LAMP1: variants seen among roughly 807,000 people sequenced by gnomAD.
LAMP1 encodes the protein lysosome associated membrane protein 1.
Under a neutral mutation model 37.5 loss-of-function variants are expected in LAMP1, and 7 were observed. That is an observed-to-expected ratio of 0.19 (90% confidence interval 0.11 to 0.35). The LOEUF (loss-of-function observed/expected upper bound fraction) is 0.35. Ranked by LOEUF, LAMP1 falls within the 10% of genes least tolerant of loss-of-function variation. The pLI is 1.00. For synonymous variants in LAMP1, 236 were observed against 229.1 expected (o/e 1.03, Z -0.27); for missense variants, 537 against 552.8 (o/e 0.97, Z 0.29).
intron 4 of LAMP1, among the ~76,000 whole-genome samples, chr13:113,314,799 A>G (rs1316766854): frequency 3.6e-4 from 18 of 49,934 alleles, no homozygotes; most frequent in African/African-American, 7.0e-4. Flanking sequence ...GTGGCCTCCT[A>G]GAGGGAGTCA....
chr13:113,319,910 C>T (rs778228802), intron 5 of LAMP1, among the ~76,000 whole-genome samples: 1 of 152,244 alleles, frequency 6.6e-6, no homozygotes, highest in Non-Finnish European at 1.5e-5. Context: ...GCAGTGTGGC[C>T]CACAGAGCCT....
intron 4 of LAMP1, among the ~76,000 whole-genome samples, chr13:113,316,295 T>C (rs1330333096): frequency 6.6e-6 from 1 of 152,136 alleles, no homozygotes; most frequent in Non-Finnish European, 1.5e-5. Context: ...GAGTGGGGTG[T>C]CTTCGTCTTT....
rs2042692842 is a variant in LAMP1 at position 113,320,577 on chromosome 13, C to T, written c.876+107C>T. ...GGCAGCGTTAGGAAGGAGGCGGCCT[C>T]ACTTTTTTCTGCCTTCCCTTTATCC... is the stretch of plus-strand genomic sequence containing the variant. On this transcript the variant is annotated intron_variant, in intron 6 of 8. Transcript: ENST00000332556. This position sits in a 1 kb window ranked among gnomAD's most constrained non-coding sequence, Gnocchi z 4.4. The T allele has an allele frequency of 8.1e-6, 10 of 1,241,962 alleles. No individual in the cohort carries two copies. Among genetic ancestry groups the T allele is most frequent in the Non-Finnish European group, 1.1e-5 (10 of 903,864 alleles). 76.9% of individuals were successfully genotyped at this position (1,241,962 alleles called of 1,614,324 possible).
At position 113,322,586 on chromosome 13, in the gene LAMP1, C is replaced by T. The variant is rs568279121; in HGVS notation, c.*165C>T. On this transcript the variant is annotated 3_prime_UTR_variant, in exon 9 of 9. Transcript: ENST00000332556. Reference sequence around the variant, plus strand: ...TTACTATGCACAACAGAGTAACTATCGAAATGACGGTGTTAATTTTGCTAA... The same window carrying T: ...TTACTATGCACAACAGAGTAACTATTGAAATGACGGTGTTAATTTTGCTAA... The T allele has an allele frequency of 1.2e-4, 63 of 541,096 alleles. No homozygotes were observed. The highest frequency in any genetic ancestry group is 2.1e-4 in the African/African-American group (11 of 51,204). The allele number at this position is 541,096 out of a possible 1,614,324, so 33.5% of individuals were successfully genotyped here. A position where few individuals can be genotyped will look rare whatever the true frequency, so the allele number is the denominator to read the frequency against.
In LAMP1 at chr13:113,322,368, A is replaced by AAT; in HGVS notation, c.1201_1202insAT (p.Ile401AsnfsTer72). On this transcript the variant is annotated frameshift_variant, in exon 9 of 9. Coordinates refer to ENST00000332556, the MANE Select transcript of LAMP1 (RefSeq NM_005561.4). LOFTEE classifies it high-confidence loss of function. ...GGCGGGGCTGGTCCTCATCGTCCTC[A>AAT]TCGCCTACCTCGTCGGCAGGAAGAG... The AAT allele has an allele frequency of 4.3e-6, 7 of 1,613,728 alleles. No individual in the cohort carries two copies. Among genetic ancestry groups the AAT allele is most frequent in the Non-Finnish European group, 5.9e-6 (7 of 1,179,844 alleles).
chr13:113,319,323 C>T (rs1197295791), intron 4 of LAMP1, 146 bp from the exon 5 acceptor site: 12 of 729,210 alleles, frequency 1.6e-5, no homozygotes, highest in Admixed American at 2.9e-5. Context: ...AAGGCATTAG[C>T]GAGAGCCACC....
In LAMP1 at chr13:113,319,670, C is replaced by T. The variant is rs745553838; in HGVS notation, c.750+14C>T. ...AAGGACAACACGGTAGGGCTGGGGC[C>T]TCACCTGGGAGAGGGGGACGGCACG... On this transcript the variant is annotated intron_variant, in intron 5 of 8. Transcript: ENST00000332556. The T allele has an allele frequency of 6.2e-7, 1 of 1,604,826 alleles. No homozygotes were observed. The highest frequency in any genetic ancestry group is 1.1e-5 in the South Asian group (1 of 87,574).
At chr13:113,319,199 T>C (rs932959133) in intron 4 of LAMP1, among the ~76,000 whole-genome samples, 13 of 152,178 alleles carry the variant, frequency 8.5e-5, no homozygotes, top group African/African-American at 3.1e-4. Context: ...CGGTGCCTGC[T>C]GCCCAGGCAG....
intron 2 of LAMP1, among the ~76,000 whole-genome samples, chr13:113,308,081 C>T (rs2042609642): frequency 6.6e-6 from 1 of 151,738 alleles, no homozygotes; most frequent in African/African-American, 2.4e-5. Context: ...GTGCCAAGAT[C>T]TCGGCTCACT....
At chr13:113,300,394 G>C (rs1595456040) in intron 1 of LAMP1, among the ~76,000 whole-genome samples, 4 of 151,382 alleles carry the variant, frequency 2.6e-5, no homozygotes, top group African/African-American at 9.7e-5. Context: ...GCTGAGGCAG[G>C]AGAATTGCTT....
At position 113,310,851 on chromosome 13, in the gene LAMP1, C is replaced by G. The variant is rs749464893; in HGVS notation, c.546C>G (p.Ser182Arg). 12 of 1,613,246 alleles carry G rather than the reference C, an allele frequency of 7.4e-6. No individual in the cohort carries two copies. Among genetic ancestry groups the G allele is most frequent in the Non-Finnish European group, 9.3e-6 (11 of 1,179,870 alleles). ...CCATCCAGGCGTACCTTTCCAACAG[C>G]AGCTTCAGCCGGGGAGGTAGGACGC... is the stretch of plus-strand genomic sequence containing the variant. ...DATIQAYLSNSSFSRGETRCE... is the reference protein window; with the variant it reads ...DATIQAYLSNRSFSRGETRCE... Residue 182 changes from serine to arginine, a missense_variant, in exon 4 of 9, where the codon AGC (serine) becomes AGG (arginine). Coordinates refer to ENST00000332556, the MANE Select transcript of LAMP1 (RefSeq NM_005561.4).
intron 4 of LAMP1, among the ~76,000 whole-genome samples, chr13:113,318,418 T>C (rs891846969): frequency 1.3e-5 from 2 of 152,202 alleles, no homozygotes; most frequent in Non-Finnish European, 2.9e-5. Flanking sequence ...CTAGCAGAGA[T>C]GTGGAAAGGA....
chr13:113,316,165 C>A (rs1196713615), intron 4 of LAMP1, among the ~76,000 whole-genome samples: 2 of 152,164 alleles, frequency 1.3e-5, no homozygotes, highest in Admixed American at 6.5e-5. Flanking sequence ...TGCAGCTCTG[C>A]CTGAGGCTGG....
chr13:113,314,933 A>G (rs7321493), intron 4 of LAMP1, among the ~76,000 whole-genome samples: 1,207 of 47,996 alleles, frequency 0.025, 114 homozygotes, highest in African/African-American at 0.1. Context: ...TGCCTGGGGC[A>G]TGGCCTCCTG....
chr13:113,298,644 A>T (rs555668803), intron 1 of LAMP1, among the ~76,000 whole-genome samples: 3 of 152,232 alleles, frequency 2.0e-5, no homozygotes, highest in Non-Finnish European at 4.4e-5. Context: ...GTGTAAAATG[A>T]ATTCTTTGAA....
chr13:113,320,359 T>G lies in LAMP1; in HGVS notation c.765T>G (p.Leu255=). The change falls in exon 6 of 9, where the codon CTT becomes CTG. Residue 255 remains leucine, a synonymous_variant. Transcript: ENST00000332556. This position sits in a 1 kb window ranked among gnomAD's most constrained non-coding sequence, Gnocchi z 4.4. ...ERKDNTTVTR[L]LNINPNKTSA... ...GTCTTATGCAGACGGTGACAAGGCT[T>G]CTCAACATCAACCCCAACAAGACCT... is the stretch of plus-strand genomic sequence containing the variant. The G allele has an allele frequency of 6.2e-7, 1 of 1,614,054 alleles. No homozygotes were observed. Among genetic ancestry groups the G allele is most frequent in the Non-Finnish European group, 8.5e-7 (1 of 1,180,036 alleles).
intron 4 of LAMP1, among the ~76,000 whole-genome samples, chr13:113,317,799 T>C (rs7986506): frequency 0.15 from 22,960 of 150,900 alleles, 5,214 homozygotes; most frequent in African/African-American, 0.49. Context: ...TGACCCTCCC[T>C]AGTCAGCCTT....
chr13:113,314,990 T>G (rs1182919026), intron 4 of LAMP1, among the ~76,000 whole-genome samples: 3 of 83,976 alleles, frequency 3.6e-5, no homozygotes, highest in African/African-American at 9.7e-5. Context: ...CGTGGCCTCC[T>G]GAGGGAGTCA....
intron 2 of LAMP1, among the ~76,000 whole-genome samples, chr13:113,307,838 GGT>G: frequency 6.7e-6 from 1 of 148,872 alleles, no homozygotes; most frequent in Non-Finnish European, 1.5e-5. Context: ...GTGTGCCTGT[GGT>G]CCCAGCTACT....
Sources: gnomAD v4.1 joint callset for allele counts (sites outside exome capture counted in the v4.1 genomes callset) on GRCh38, gnomAD v4.1.1 for gene constraint, Gnocchi (gnomAD v3.1) non-coding constraint, MANE v1.5 for transcripts, NCBI Gene and HGNC (gene_info 2026-07-23, HGNC 2026-07-21) for gene names.